Variants in CADM2 observed in about 807,000 individuals in gnomAD.
CADM2 encodes immunoglobulin superfamily member 4D.
CADM2 carries 12 observed loss-of-function variants against 49.8 expected under a neutral mutation model. The ratio of observed to expected loss-of-function variants is 0.24; its 90% confidence interval spans 0.15 to 0.39. The LOEUF (loss-of-function observed/expected upper bound fraction) is 0.39. Ranked by LOEUF, CADM2 falls within the 10% of genes least tolerant of loss-of-function variation. The pLI, the probability that CADM2 is intolerant of heterozygous loss-of-function variation, is 1.00. For missense variants in CADM2, 378 were observed against 492.3 expected (o/e 0.77, Z 2.20); for synonymous variants, 214 against 175.4 (o/e 1.22, Z -1.74).
chr3:85,188,994 G>A (rs1361375365), intron 1 of CADM2, among the ~76,000 whole-genome samples: 1 of 151,528 alleles, frequency 6.6e-6, no homozygotes, highest in Non-Finnish European at 1.5e-5. Flanking sequence ...TTGCGCCACT[G>A]AACTCCAGCC....
chr3:86,030,890 C>T (rs1734484269), intron 8 of CADM2, among the ~76,000 whole-genome samples: 1 of 151,816 alleles, frequency 6.6e-6, no homozygotes, highest in African/African-American at 2.4e-5. Context: ...TTTCATCTGC[C>T]AAGTTACTCA....
At chr3:85,655,483 G>A (rs1022347200) in intron 1 of CADM2, among the ~76,000 whole-genome samples, 2 of 151,374 alleles carry the variant, frequency 1.3e-5, no homozygotes, top group African/African-American at 4.9e-5. Context: ...TTTAACCTGA[G>A]CCATCTTAAT....
At chr3:85,240,782 T>A (rs2042514076) in intron 1 of CADM2, among the ~76,000 whole-genome samples, 1 of 151,510 alleles carries the variant, frequency 6.6e-6, no homozygotes, top group South Asian at 2.1e-4. Flanking sequence ...GCTTGGATGA[T>A]AGATGCACCT....
At chr3:85,504,667 G>C (rs531099393) in intron 1 of CADM2, among the ~76,000 whole-genome samples, 1 of 152,200 alleles carries the variant, frequency 6.6e-6, no homozygotes, top group Non-Finnish European at 1.5e-5. Context: ...GTCCCGCGCC[G>C]TGCGCCCGCA....
chr3:85,404,597 G>C lies in CADM2; in HGVS notation c.62-321925G>C, dbSNP rs55663654. ...CAGGAAAAATAATCAATCTATGTAA[G>C]ACAATCCTAACGGAAGGTAATCTTT... On this transcript the variant is annotated intron_variant, in intron 1 of 9. Transcript: ENST00000383699. 3.1e-3 allele frequency among the ~76,000 whole-genome samples: 476 copies of C among 152,182 alleles called. 3 individuals carry two copies. Among genetic ancestry groups the C allele is most frequent in the African/African-American group, 0.011 (460 of 41,542 alleles).
At chr3:85,405,899 G>C (rs1223527393) in intron 1 of CADM2, among the ~76,000 whole-genome samples, 1 of 151,230 alleles carries the variant, frequency 6.6e-6, no homozygotes, top group African/African-American at 2.4e-5. Flanking sequence ...CTGTGTGACA[G>C]CGTGAGACCC....
rs180942452 is a variant in CADM2, at chr3:85,027,486, T to C, written c.61+67818T>C. Among the ~76,000 whole-genome samples the C allele has an allele frequency of 3.7e-4, 57 of 152,210 alleles. No individual in the cohort carries two copies. In the South Asian group the frequency reaches 0.012, roughly 31 times the overall value. The stretch of plus-strand genomic sequence containing the variant: ...AAGTTTCACTGGAATAATTTTAATA[T>C]TCTATAAATATAAAATTATCTTCTA... On this transcript the variant is annotated intron_variant, in intron 1 of 9. Coordinates refer to ENST00000383699, the MANE Select transcript of CADM2 (RefSeq NM_001167675.2).
chr3:85,943,756 C>G (rs1271482921), intron 7 of CADM2, among the ~76,000 whole-genome samples: 2 of 151,808 alleles, frequency 1.3e-5, no homozygotes, highest in Non-Finnish European at 2.9e-5. Flanking sequence ...ATATCTACAA[C>G]TATCTGATCT....
chr3:85,899,403 A>T (rs1013689256), intron 5 of CADM2, among the ~76,000 whole-genome samples: 1 of 152,084 alleles, frequency 6.6e-6, no homozygotes, highest in African/African-American at 2.4e-5. Flanking sequence ...TTTTGAGTTA[A>T]TTTTTGTATT....
intron 1 of CADM2, among the ~76,000 whole-genome samples, chr3:85,139,142 T>C (rs558900317): frequency 4.5e-4 from 68 of 152,294 alleles, no homozygotes; most frequent in African/African-American, 1.6e-3. Context: ...TCTGTTCCTA[T>C]TGGTCTTTTA....
intron 1 of CADM2, among the ~76,000 whole-genome samples, chr3:85,628,052 G>A (rs762245659): frequency 5.3e-5 from 8 of 152,034 alleles, no homozygotes; most frequent in Non-Finnish European, 1.0e-4. Context: ...TGAATCGGTA[G>A]TAATAAAAGC....
chr3:85,241,097 G>C (rs373958545), intron 1 of CADM2, among the ~76,000 whole-genome samples: 16 of 151,518 alleles, frequency 1.1e-4, no homozygotes, highest in African/African-American at 3.1e-4. Context: ...ATTTGAGATT[G>C]AGTTCCTGGG....
At chr3:85,724,480 A>C (rs958167561) in intron 1 of CADM2, among the ~76,000 whole-genome samples, 12 of 151,868 alleles carry the variant, frequency 7.9e-5, no homozygotes, top group African/African-American at 1.4e-4. Flanking sequence ...CAAAAAAAAA[A>C]CAGAATACAG....
chr3:85,248,468 G>T (rs2042700673), intron 1 of CADM2, among the ~76,000 whole-genome samples: 1 of 152,128 alleles, frequency 6.6e-6, no homozygotes, highest in South Asian at 2.1e-4. Flanking sequence ...TAAAGAAGGG[G>T]TTTCACCATG....
At chr3:85,502,250 T>C (rs1403720250) in intron 1 of CADM2, among the ~76,000 whole-genome samples, 8 of 152,168 alleles carry the variant, frequency 5.3e-5, no homozygotes, top group Admixed American at 5.2e-4. Context: ...TTCTGACCAC[T>C]ATCTCTTGCC....
chr3:86,015,078 T>A, intron 8 of CADM2: 1 of 633,828 alleles, frequency 1.6e-6, no homozygotes, highest in East Asian at 2.8e-5. Flanking sequence ...TACAAGTAAG[T>A]CAGAGCTTCC....
At chr3:85,728,170 A>T (rs776341385) in intron 2 of CADM2, among the ~76,000 whole-genome samples, 1 of 152,186 alleles carries the variant, frequency 6.6e-6, no homozygotes, top group Non-Finnish European at 1.5e-5. Flanking sequence ...TATTACAGGT[A>T]TCTGTCAAGT....
chr3:85,917,382 A>G (rs1475460634), intron 6 of CADM2, among the ~76,000 whole-genome samples: 2 of 152,106 alleles, frequency 1.3e-5, no homozygotes, highest in African/African-American at 4.8e-5. Flanking sequence ...AGCTTTCTAC[A>G]TATGGCTAGC....
intron 2 of CADM2, among the ~76,000 whole-genome samples, chr3:85,781,218 T>C (rs929884298): frequency 2.0e-5 from 3 of 152,208 alleles, no homozygotes; most frequent in Non-Finnish European, 4.4e-5. Flanking sequence ...ACCAAGGTCA[T>C]GCTCAATGGT....
Sources: gnomAD v4.1 joint callset for allele counts (sites outside exome capture counted in the v4.1 genomes callset) on GRCh38, gnomAD v4.1.1 for gene constraint, MANE v1.5 for transcripts, NCBI Gene and HGNC (gene_info 2026-07-23, HGNC 2026-07-21) for gene names.